The following USB1 variants were observed in gnomAD, a reference collection of about 807,000 sequenced individuals.
USB1 encodes the protein U6 snRNA biogenesis phosphodiesterase 1.
A neutral mutation model predicts 29.9 loss-of-function variants in USB1; 21 were observed. The observed-to-expected ratio is 0.70, with a 90% CI of 0.50 to 1.01. The LOEUF (loss-of-function observed/expected upper bound fraction) is 1.01, where lower values mean the gene tolerates loss of function less well. Among genes scored for constraint, USB1 ranks in the 50% least tolerant of loss-of-function variants. USB1 has a pLI of 0.00. For missense variants in USB1, 330 were observed against 347.1 expected (o/e 0.95, Z 0.39); for synonymous variants, 143 against 134.9 (o/e 1.06, Z -0.42).
rs371671982 is a variant in USB1, at chr16:58,019,093, T to C, written c.693+38T>C. On this transcript the variant is annotated intron_variant, in intron 6 of 6. Coordinates refer to ENST00000219281, the MANE Select transcript of USB1 (RefSeq NM_024598.4). ...GGCGGGAGCACAGAGGGCGCTGAAC[T>C]CCAGAAATGACAGGACAGATGCTGG... is the stretch of plus-strand genomic sequence containing the variant. The C allele has an allele frequency of 1.1e-5, 18 of 1,603,064 alleles. No homozygotes were observed. In the African/African-American group the frequency reaches 1.9e-4, roughly 17 times the overall value.
At chr16:58,015,143 G>A (rs984263977) in intron 4 of USB1, 3 of 151,992 alleles carry the variant, frequency 2.0e-5, no homozygotes, top group Non-Finnish European at 4.4e-5. Context: ...AGCATGTAGT[G>A]GGGTGGTGCC....
upstream of USB1, chr16:57,999,640 C>G (rs191833236): frequency 5.3e-5 from 8 of 152,242 alleles, no homozygotes; most frequent in African/African-American, 1.9e-4. Flanking sequence ...GAAGGAGAAG[C>G]CTTCACAGGA....
At chr16:58,015,360 G>A (rs1963591587) in intron 4 of USB1, 1 of 152,202 alleles carries the variant, frequency 6.6e-6, no homozygotes, top group African/African-American at 2.4e-5. Flanking sequence ...AAAGTTAAAA[G>A]TATTAAAGTG....
At position 58,010,962 on chromosome 16, in the gene USB1, G is replaced by A. The variant is rs777518348; in HGVS notation, c.449+850G>A. Reference sequence around the variant, plus strand: ...CTTCCCTCCCATACCGGGAGGGTAGGGGGTGGGGCTGAAAGTTCCCAGCTT... The same window carrying A: ...CTTCCCTCCCATACCGGGAGGGTAGAGGGTGGGGCTGAAAGTTCCCAGCTT... On this transcript the variant is annotated intron_variant, in intron 3 of 6. Transcript: ENST00000219281. The A allele has an allele frequency of 5.7e-6, 4 of 700,494 alleles. No individual in the cohort carries two copies. The African/African-American group carries it at 7.0e-5, about 12-fold the overall frequency. The allele number at this position is 700,494 out of a possible 1,614,324, so 43.4% of individuals were successfully genotyped here. A position where few individuals can be genotyped will look rare whatever the true frequency, so the allele number is the denominator to read the frequency against.
At chr16:58,019,415 C>G (rs1361154931) in intron 6 of USB1, among the ~76,000 whole-genome samples, 1 of 152,224 alleles carries the variant, frequency 6.6e-6, no homozygotes, top group African/African-American at 2.4e-5. Context: ...GTCCTAGCCA[C>G]TTGCCCAGAG....
intron 4 of USB1, 56 bp from the exon 5 acceptor site, chr16:58,017,278 G>C: frequency 2.0e-6 from 3 of 1,538,396 alleles, no homozygotes; most frequent in South Asian, 1.1e-5. Flanking sequence ...CGGCTGCGCA[G>C]ATGGCTGTGT....
chr16:58,001,297 C>G, upstream of USB1: 2 of 699,982 alleles, frequency 2.9e-6, no homozygotes, highest in East Asian at 2.7e-5. Context: ...GCGCAGCCGG[C>G]AGACAGCTTG....
Position 58,013,204 on chromosome 16 carries a change from C to A in USB1, c.450-1069C>A. 11 of 985,458 alleles carry A rather than the reference C, an allele frequency of 1.1e-5. No homozygotes were observed. The highest frequency in any genetic ancestry group is 1.3e-5 in the Non-Finnish European group (11 of 829,976). The allele number at this position is 985,458 out of a possible 1,614,324, so 61.0% of individuals were successfully genotyped here. On this transcript the variant is annotated intron_variant, in intron 3 of 6. Transcript: ENST00000219281. This position sits in a 1 kb window ranked among gnomAD's most constrained non-coding sequence, Gnocchi z 4.3. The stretch of plus-strand genomic sequence containing the variant: ...GGAGTAGGGGTGGAGAGCCATCCTG[C>A]AACACGAGGTTACCAGGAGAAGGAG...
rs140641240 is a variant in USB1, at chr16:58,002,062, T to C, written c.99-417T>C. 4.1e-3 allele frequency among the ~76,000 whole-genome samples: 622 copies of C among 152,310 alleles called. 6 individuals are homozygous for C. The highest frequency in any genetic ancestry group is 0.014 in the African/African-American group (598 of 41,556). On this transcript the variant is annotated intron_variant, in intron 1 of 6. Coordinates refer to ENST00000219281, the MANE Select transcript of USB1 (RefSeq NM_024598.4). ...TTAGATTCTTAAATGCTAGGCCTTA[T>C]CTTTGCTGAGTGCTTTACAAGCAGT...
intron 3 of USB1, 106 bp from the exon 4 acceptor site, chr16:58,014,167 A>G: frequency 1.1e-6 from 1 of 910,184 alleles, no homozygotes; most frequent in Non-Finnish European, 1.8e-6. Flanking sequence ...ATGAAGTGCA[A>G]AATGAGTTAA....
At chr16:58,017,189 T>C (rs933647377) in intron 4 of USB1, 145 bp from the exon 5 acceptor site, 3 of 737,742 alleles carry the variant, frequency 4.1e-6, no homozygotes, top group Admixed American at 3.9e-5. Flanking sequence ...AGTTGGCTCA[T>C]GGAGCAGGAA....
chr16:58,001,636 C>T, intron 1 of USB1, 55 bp downstream of exon 1: 1 of 1,548,346 alleles, frequency 6.5e-7, no homozygotes. Flanking sequence ...TAGAGCCAGA[C>T]GGGACCCGAA....
At chr16:58,000,560 G>C (rs1209150441), upstream of USB1, 1 of 150,174 alleles carries the variant, frequency 6.7e-6, no homozygotes, top group African/African-American at 2.4e-5. The surrounding 1 kb of genome is among the most constrained non-coding windows in gnomAD (Gnocchi z 4.5). Flanking sequence ...GGCGGGGGAC[G>C]GGCTAGCGGC....
At chr16:58,008,645 G>T (rs984105069) in intron 2 of USB1, among the ~76,000 whole-genome samples, 3 of 151,752 alleles carry the variant, frequency 2.0e-5, no homozygotes. Flanking sequence ...TAGAGACGGG[G>T]TGTCACCATA....
chr16:58,007,015 A>C (rs1339774805), intron 2 of USB1, among the ~76,000 whole-genome samples: 1 of 152,228 alleles, frequency 6.6e-6, no homozygotes, highest in East Asian at 1.9e-4. Flanking sequence ...GATGGATTAC[A>C]TTAATTGATT....
rs1342753064 is a variant in USB1, at chr16:58,006,367, AC to A, written c.266-3561del. Among the ~76,000 whole-genome samples the A allele has an allele frequency of 9.4e-4, 110 of 117,396 alleles. No homozygotes were observed. The East Asian group carries it at 0.015, about 16-fold the overall frequency. 77.0% of individuals were successfully genotyped at this position (117,396 alleles called of 152,430 possible). On this transcript the variant is annotated intron_variant, in intron 2 of 6. Transcript: ENST00000219281. ...AACCTCGTTTCAAAAAAAAAAAAAA[AC>A]AAAAAAAAAAAACGGACACAGTGGC...
At chr16:58,005,897 A>T (rs940626843) in intron 2 of USB1, among the ~76,000 whole-genome samples, 2 of 152,164 alleles carry the variant, frequency 1.3e-5, no homozygotes, top group Non-Finnish European at 2.9e-5. Context: ...TTAATTTCAA[A>T]TCCTACTTGT....
At chr16:58,017,187 C>T (rs899597775) in intron 4 of USB1, 147 bp from the exon 5 acceptor site, 2 of 731,994 alleles carry the variant, frequency 2.7e-6, no homozygotes, top group Non-Finnish European at 2.5e-6. Context: ...AGAGTTGGCT[C>T]ATGGAGCAGG....
In USB1 at chr16:58,020,407, A is replaced by AT. The variant is rs1307369486; in HGVS notation, c.*163dup. 15 of 684,874 alleles carry AT rather than the reference A, an allele frequency of 2.2e-5. No homozygotes were observed. The highest frequency in any genetic ancestry group is 3.7e-5 in the Non-Finnish European group (14 of 375,440). The allele number at this position is 684,874 out of a possible 1,614,324, so 42.4% of individuals were successfully genotyped here. On this transcript the variant is annotated 3_prime_UTR_variant, in exon 7 of 7. Coordinates refer to ENST00000219281, the MANE Select transcript of USB1 (RefSeq NM_024598.4). ...CACTCCTCATCCTCCCTGAGTGCTG[A>AT]TATTCTCTCTCTCTCTTTCTCTTCC...
Sources: allele counts gnomAD v4.1 joint callset (sites outside exome capture counted in the v4.1 genomes callset), GRCh38; gene constraint gnomAD v4.1.1; non-coding constraint Gnocchi (gnomAD v3.1); transcripts MANE v1.5; gene names NCBI Gene and HGNC (gene_info 2026-07-23, HGNC 2026-07-21).